SND1: variants seen among roughly 807,000 people sequenced by gnomAD.
SND1 encodes the protein staphylococcal nuclease domain-containing protein 1.
Under a neutral mutation model 121.7 loss-of-function variants are expected in SND1, and 38 were observed. The observed-to-expected ratio is 0.31, with a 90% confidence interval of 0.24 to 0.41. The LOEUF is 0.41. Among genes scored for constraint, SND1 ranks in the 10% least tolerant of loss-of-function variants. The pLI, the probability that SND1 is intolerant of heterozygous loss-of-function variation, is 1.00. For synonymous variants in SND1, 401 were observed against 447.4 expected, an observed-to-expected ratio of 0.90 and a Z score of 1.31; for missense variants, 868 against 1,184.6, an observed-to-expected ratio of 0.73 and a Z score of 3.92.
At chr7:127,899,869 T>G (rs777288992) in intron 13 of SND1, among the ~76,000 whole-genome samples, 2 of 152,022 alleles carry the variant, frequency 1.3e-5, no homozygotes. Context: ...GAATGTTGGA[T>G]GTTGGGGTAA....
intron 10 of SND1, among the ~76,000 whole-genome samples, chr7:127,754,593 C>T (rs1584548818): frequency 6.6e-6 from 1 of 152,168 alleles, no homozygotes; most frequent in East Asian, 1.9e-4. Context: ...AGAGCTGACT[C>T]TGTGATTTCA....
chr7:128,002,084 C>T (rs1802847614), intron 16 of SND1, among the ~76,000 whole-genome samples: 1 of 151,964 alleles, frequency 6.6e-6, no homozygotes, highest in Non-Finnish European at 1.5e-5. Flanking sequence ...AAAGAACAAC[C>T]CTCCCAGTGC....
chr7:127,991,462 G>A (rs374694092), intron 16 of SND1, among the ~76,000 whole-genome samples: 5 of 152,274 alleles, frequency 3.3e-5, no homozygotes, highest in East Asian at 3.9e-4. Flanking sequence ...TTTCTGTAGC[G>A]GGTTTTCTGA....
At chr7:127,838,144 C>T (rs1798900159) in intron 11 of SND1, among the ~76,000 whole-genome samples, 1 of 152,132 alleles carries the variant, frequency 6.6e-6, no homozygotes, top group Admixed American at 6.6e-5. Flanking sequence ...TGATTCAGTT[C>T]AGAGCAGGTG....
chr7:127,663,110 C>T (rs1795347103), intron 1 of SND1, among the ~76,000 whole-genome samples: 1 of 151,840 alleles, frequency 6.6e-6, no homozygotes, highest in Non-Finnish European at 1.5e-5. Flanking sequence ...TGGTGTTGAA[C>T]TCCTGGGCTG....
At chr7:127,926,761 T>TAGTA (rs1563060629) in intron 14 of SND1, among the ~76,000 whole-genome samples, 28 of 133,446 alleles carry the variant, frequency 2.1e-4, no homozygotes, top group African/African-American at 8.1e-4. Flanking sequence ...TTGTTGTTGT[T>TAGTA]GTTGTACTTT....
chr7:127,766,729 G>A (rs1315776044), intron 10 of SND1, among the ~76,000 whole-genome samples: 5 of 114,416 alleles, frequency 4.4e-5, no homozygotes, highest in South Asian at 3.1e-4. Context: ...CCGAGATGGC[G>A]CCACTGCACT....
At chr7:127,873,596 G>A (rs1799636169) in intron 12 of SND1, among the ~76,000 whole-genome samples, 1 of 152,088 alleles carries the variant, frequency 6.6e-6, no homozygotes, top group South Asian at 2.1e-4. Flanking sequence ...AAGAAAGCAT[G>A]GCCTATGCAA....
At chr7:127,759,676 C>T (rs1015280950) in intron 10 of SND1, among the ~76,000 whole-genome samples, 6 of 139,912 alleles carry the variant, frequency 4.3e-5, no homozygotes, top group South Asian at 2.4e-4. Context: ...TACATAGGGG[C>T]ATATACATCC....
chr7:128,025,984 C>A (rs1236590796), intron 16 of SND1, among the ~76,000 whole-genome samples: 1 of 151,548 alleles, frequency 6.6e-6, no homozygotes, highest in African/African-American at 2.4e-5. Context: ...TGCAAAGTTA[C>A]TGCATAATTC....
chr7:127,943,110 C>T (rs1276341544), intron 15 of SND1, among the ~76,000 whole-genome samples: 1 of 152,212 alleles, frequency 6.6e-6, no homozygotes, highest in Non-Finnish European at 1.5e-5. Context: ...GTTCCTTCAA[C>T]ACAGTAGCAC....
rs1253080907 is a variant in SND1 at position 127,942,673 on chromosome 7, A to G, written c.1669+13344A>G. 2.6e-5 allele frequency among the ~76,000 whole-genome samples: 4 copies of G among 152,352 alleles called. No homozygotes were observed. The East Asian group carries it at 7.7e-4, about 29-fold the overall frequency. ...TGAATGCTAACTTTTAAAACATCAC[A>G]TGAAAAATACAGGGAAGTCATACTG... On this transcript the variant is annotated intron_variant, in intron 15 of 23. Coordinates refer to ENST00000354725, the MANE Select transcript of SND1 (RefSeq NM_014390.4).
At chr7:127,841,706 T>G (rs1860934) in intron 11 of SND1, among the ~76,000 whole-genome samples, 101,698 of 152,044 alleles carry the variant, frequency 0.67, 34,872 homozygotes, top group East Asian at 0.92. Flanking sequence ...TGGCCTATAT[T>G]AACTCTGGCC....
chr7:127,956,741 C>T (rs541488149), intron 15 of SND1, among the ~76,000 whole-genome samples: 5 of 152,230 alleles, frequency 3.3e-5, no homozygotes, highest in African/African-American at 4.8e-5. Flanking sequence ...TTTGATGATA[C>T]GTGTTTACAC....
intron 15 of SND1, among the ~76,000 whole-genome samples, chr7:127,934,150 A>G (rs1801006733): frequency 1.1e-5 from 1 of 94,502 alleles, no homozygotes; most frequent in South Asian, 2.8e-4. Context: ...TGTGTTTTGA[A>G]GTACATATGA....
chr7:127,938,648 T>TAATC (rs1801116463), intron 15 of SND1, among the ~76,000 whole-genome samples: 1 of 152,230 alleles, frequency 6.6e-6, no homozygotes, highest in Non-Finnish European at 1.5e-5. Context: ...ATGGACATAT[T>TAATC]AATCAATCAT....
In SND1 at chr7:127,884,991, G is replaced by T. The variant is rs147623637; in HGVS notation, c.1344-2911G>T. Among the ~76,000 whole-genome samples the T allele has an allele frequency of 9.1e-4, 139 of 152,220 alleles. 1 individual carries two copies. Among genetic ancestry groups the T allele is most frequent in the Middle Eastern group, 3.4e-3 (1 of 294 alleles). On this transcript the variant is annotated intron_variant, in intron 12 of 23. Coordinates refer to ENST00000354725, the MANE Select transcript of SND1 (RefSeq NM_014390.4). ...GTCACCCCTCCCAAGTGGACACTCA[G>T]TCTTTAATGCCTGGCTATGGAGCCA...
chr7:127,885,678 G>A (rs73721024), intron 12 of SND1, among the ~76,000 whole-genome samples: 2,593 of 152,140 alleles, frequency 0.017, 92 homozygotes, highest in African/African-American at 0.059. Flanking sequence ...CATTAACTGG[G>A]GTGGATCATT....
At position 127,929,182 on chromosome 7, in the gene SND1, C is replaced by T; in HGVS notation, c.1528-6C>T. 1 of 1,613,694 alleles carries T rather than the reference C, an allele frequency of 6.2e-7. No homozygotes were observed. The highest frequency in any genetic ancestry group is 1.1e-5 in the South Asian group (1 of 91,050). On this transcript the variant is annotated splice_polypyrimidine_tract_variant and splice_region_variant and intron_variant, in intron 14 of 23. Coordinates refer to ENST00000354725, the MANE Select transcript of SND1 (RefSeq NM_014390.4). ...CCAGTTACTCTTTTCCTCTTTTCTC[C>T]ATCAGGATACCCAAAAAGCAAAGCA...
Sources: allele counts gnomAD v4.1 joint callset (sites outside exome capture counted in the v4.1 genomes callset), GRCh38; gene constraint gnomAD v4.1.1; transcripts MANE v1.5; gene names NCBI Gene and HGNC (gene_info 2026-07-23, HGNC 2026-07-21).